Variants in CCZ1 observed in about 807,000 individuals in gnomAD.
CCZ1 encodes CCZ1 vacuolar protein trafficking and biogenesis associated.
CCZ1 carries 19 observed loss-of-function variants against 57.8 expected under a neutral mutation model. The ratio of observed to expected loss-of-function variants is 0.33; its 90% CI spans 0.23 to 0.48. The LOEUF (loss-of-function observed/expected upper bound fraction) is 0.48, where lower values mean the gene tolerates loss of function less well. CCZ1 is among the 20% of genes least tolerant of loss of function. The probability of loss-of-function intolerance (pLI) is 0.99; values close to 1 mark genes in which losing one functional copy is unlikely to be tolerated. For missense variants in CCZ1, 200 were observed against 492.0 expected, an observed-to-expected ratio of 0.41 and a Z score of 5.61; for synonymous variants, 81 against 167.0, an observed-to-expected ratio of 0.49 and a Z score of 3.97.
rs1781689005 is a variant in CCZ1, at chr7:5,901,669, A to G, written c.403A>G (p.Ser135Gly). Reference protein sequence around the residue: ...QEEELLDKVYSSVLRQCYSMY... With the variant: ...QEEELLDKVYGSVLRQCYSMY... ...TTCGCGTCTGCAGGACAAGGTTTATAGCTCGGTGCTGCGGCAGTGCTACAG... is the reference window on the plus strand; with the variant it reads ...TTCGCGTCTGCAGGACAAGGTTTATGGCTCGGTGCTGCGGCAGTGCTACAG... Residue 135 changes from serine (S) to glycine (G), a missense_variant, in exon 5 of 15, where the codon AGC (serine) becomes GGC (glycine). Ser to Gly is a moderately conservative substitution (Grantham distance 56, BLOSUM62 0). Coordinates refer to ENST00000325974, the MANE Select transcript of CCZ1 (RefSeq NM_015622.6). 1 of 1,598,418 alleles carries G rather than the reference A, an allele frequency of 6.3e-7. No homozygotes were observed. The highest frequency in any genetic ancestry group is 1.4e-5 in the African/African-American group (1 of 72,646).
At chr7:5,901,857 G>A (rs1346117400) in intron 5 of CCZ1, 153 bp downstream of exon 5, 3 of 603,770 alleles carry the variant, frequency 5.0e-6, no homozygotes, top group Non-Finnish European at 8.5e-6. Context: ...AACAGGTAGT[G>A]AGGTTTATGC....
At position 5,901,505 on chromosome 7, in the gene CCZ1, G is replaced by A. The variant is rs773778958; in HGVS notation, c.391-152G>A. On this transcript the variant is annotated intron_variant, in intron 4 of 14. Coordinates refer to ENST00000325974, the MANE Select transcript of CCZ1 (RefSeq NM_015622.6). Reference sequence around the variant, plus strand: ...ATCTCAAAAAAAAAAAAAAAAGAACGCAAACACTTTTTTTTCAGCACGCAA... The same window carrying A: ...ATCTCAAAAAAAAAAAAAAAAGAACACAAACACTTTTTTTTCAGCACGCAA... 339 of 1,159,398 alleles carry A rather than the reference G, an allele frequency of 2.9e-4. 4 individuals are homozygous for A. In the Middle Eastern group the frequency reaches 3.9e-3, roughly 13 times the overall value. 71.8% of individuals were successfully genotyped at this position (1,159,398 alleles called of 1,614,324 possible).
intron 10 of CCZ1, among the ~76,000 whole-genome samples, chr7:5,914,532 G>A (rs1312106896): frequency 6.7e-6 from 1 of 148,590 alleles, no homozygotes; most frequent in Non-Finnish European, 1.5e-5. Flanking sequence ...AAATGAATTT[G>A]AGCGTAGAGT....
At chr7:5,899,715 C>T (rs1016104873) in intron 1 of CCZ1, among the ~76,000 whole-genome samples, 2 of 150,464 alleles carry the variant, frequency 1.3e-5, no homozygotes, top group Non-Finnish European at 3.0e-5. Flanking sequence ...TGCAGGTGAG[C>T]TGTAATAGCG....
intron 4 of CCZ1, 101 bp from the exon 5 acceptor site, chr7:5,901,556 A>G (rs538087701): frequency 1.5e-5 from 22 of 1,497,762 alleles, no homozygotes; most frequent in East Asian, 2.7e-5. Flanking sequence ...GTTTATAAAC[A>G]TTATACTGTT....
At chr7:5,900,049 A>G (rs1781647311) in intron 1 of CCZ1, among the ~76,000 whole-genome samples, 1 of 150,734 alleles carries the variant, frequency 6.6e-6, no homozygotes, top group Non-Finnish European at 1.5e-5. Context: ...ATTTTAAATA[A>G]TAGAGACGTC....
At chr7:5,920,044 GGT>G (rs1779207719) in intron 12 of CCZ1, 78 bp downstream of exon 12, 1 of 1,516,742 alleles carries the variant, frequency 6.6e-7, no homozygotes, top group African/African-American at 1.4e-5. Flanking sequence ...TACAAATACG[GGT>G]GGTATTAACA....
At position 5,902,702 on chromosome 7, in the gene CCZ1, C is replaced by T. The variant is rs763047143; in HGVS notation, c.480C>T (p.Gly160=). The T allele has an allele frequency of 6.9e-6, 11 of 1,590,658 alleles. No homozygotes were observed. Among genetic ancestry groups the T allele is most frequent in the Non-Finnish European group, 8.5e-6 (10 of 1,175,682 alleles). ...GTFLKAMEDG[G]VKLLKERLEK... ...TTCTGAAAGCCATGGAAGACGGAGG[C>T]GTCAAGCTTCTGAAAGAAAGATTAG... The change falls in exon 6 of 15, where the codon GGC becomes GGT. Residue 160 remains glycine (G), a synonymous_variant. Coordinates refer to ENST00000325974, the MANE Select transcript of CCZ1 (RefSeq NM_015622.6).
chr7:5,913,869 T>G lies in CCZ1; in HGVS notation c.954+915T>G, dbSNP rs1405008119. On this transcript the variant is annotated intron_variant, in intron 10 of 14. Transcript: ENST00000325974. ...CCTGGGTGACAATCGAGGGTCTGTTTAAAGAAAGGAAACAGTCTGAAGAGA... is the reference window on the plus strand; with the variant it reads ...CCTGGGTGACAATCGAGGGTCTGTTGAAAGAAAGGAAACAGTCTGAAGAGA... Among the ~76,000 whole-genome samples the G allele has an allele frequency of 2.2e-4, 29 of 133,014 alleles. 2 individuals are homozygous for G. The highest frequency in any genetic ancestry group is 7.3e-4 in the African/African-American group (27 of 36,826). The allele number at this position is 133,014 out of a possible 152,430, so 87.3% of individuals were successfully genotyped here.
At chr7:5,904,175 C>T (rs1161826607) in intron 6 of CCZ1, among the ~76,000 whole-genome samples, 3 of 129,396 alleles carry the variant, frequency 2.3e-5, no homozygotes, top group African/African-American at 9.3e-5. Flanking sequence ...TCACTGCAAC[C>T]TTAGTCTCCC....
chr7:5,904,989 TTG>T (rs1781769758), intron 6 of CCZ1, 103 bp from the exon 7 acceptor site: 1 of 1,239,604 alleles, frequency 8.1e-7, no homozygotes, highest in Admixed American at 2.1e-5. Flanking sequence ...TAGTATGTAA[TTG>T]TACCATAAAT....
At chr7:5,916,492 T>C (rs752955421) in intron 10 of CCZ1, among the ~76,000 whole-genome samples, 26,711 of 72,056 alleles carry the variant, frequency 0.37, 2,497 homozygotes, top group Middle Eastern at 0.46. Context: ...TTTGGGTTTT[T>C]GTTTTGTTTT....
At chr7:5,906,060 A>G (rs972470221) in intron 7 of CCZ1, among the ~76,000 whole-genome samples, 3 of 146,428 alleles carry the variant, frequency 2.0e-5, no homozygotes, top group Non-Finnish European at 4.5e-5. Context: ...AAGAAACTAG[A>G]TTTCTTTTTT....
intron 6 of CCZ1, among the ~76,000 whole-genome samples, chr7:5,904,135 C>A (rs1260774338): frequency 2.4e-5 from 3 of 122,552 alleles, no homozygotes; most frequent in Non-Finnish European, 4.9e-5. Flanking sequence ...TCTTGTCACC[C>A]AGGCTAGAGT....
chr7:5,900,732 C>T, intron 3 of CCZ1, 123 bp from the exon 4 acceptor site: 9 of 1,544,118 alleles, frequency 5.8e-6, no homozygotes, highest in Non-Finnish European at 7.8e-6. Flanking sequence ...TTTATTCATT[C>T]TTGGGGCTGT....
At chr7:5,908,459 A>T (rs2528328) in intron 7 of CCZ1, among the ~76,000 whole-genome samples, 1 of 148,394 alleles carries the variant, frequency 6.7e-6, no homozygotes, top group South Asian at 2.2e-4. Context: ...GCTCACTTCA[A>T]CCTGCGCCTC....
At chr7:5,906,897 G>C (rs771141552) in intron 7 of CCZ1, among the ~76,000 whole-genome samples, 2 of 149,974 alleles carry the variant, frequency 1.3e-5, no homozygotes, top group Admixed American at 1.3e-4. Context: ...AGATGGAGTC[G>C]CTTTCTGTTG....
At chr7:5,908,673 C>G (rs1201440232) in intron 7 of CCZ1, among the ~76,000 whole-genome samples, 1 of 147,010 alleles carries the variant, frequency 6.8e-6, no homozygotes, top group Non-Finnish European at 1.5e-5. Flanking sequence ...AGCTTCCGCG[C>G]CCGACCACCT....
intron 10 of CCZ1, among the ~76,000 whole-genome samples, chr7:5,914,096 A>G (rs1191103030): frequency 6.8e-6 from 1 of 147,278 alleles, no homozygotes; most frequent in African/African-American, 2.5e-5. Flanking sequence ...GATTCCGAGG[A>G]CAGACAAGAA....
Sources: allele counts gnomAD v4.1 joint callset (sites outside exome capture counted in the v4.1 genomes callset), GRCh38; gene constraint gnomAD v4.1.1; transcripts MANE v1.5; gene names NCBI Gene and HGNC (gene_info 2026-07-23, HGNC 2026-07-21).